The following GAS7 variants were observed in gnomAD, a reference collection of about 807,000 sequenced individuals.
GAS7 encodes growth arrest-specific protein 7.
A neutral mutation model predicts 71.1 loss-of-function variants in GAS7; 28 were observed. The ratio of observed to expected loss-of-function variants is 0.39; its 90% CI spans 0.29 to 0.54. GAS7 has a LOEUF of 0.54. Ranked by LOEUF, GAS7 falls within the 20% of genes least tolerant of loss-of-function variation. The pLI is 0.62. For missense variants in GAS7, 436 were observed against 627.8 expected (o/e 0.69, Z 3.27); for synonymous variants, 258 against 245.8 (o/e 1.05, Z -0.46).
chr17:10,087,391 ATG>A (rs1173942033), intron 1 of GAS7, among the ~76,000 whole-genome samples: 1 of 152,258 alleles, frequency 6.6e-6, no homozygotes, highest in Admixed American at 6.5e-5. Context: ...GGAGTATGGC[ATG>A]TGTGTCCCAG....
At chr17:10,044,477 C>G (rs79536818) in intron 1 of GAS7, among the ~76,000 whole-genome samples, 3,061 of 152,238 alleles carry the variant, frequency 0.02, 99 homozygotes, top group African/African-American at 0.068. Context: ...CATACACAGT[C>G]TGAGTGTTTG....
In GAS7 at chr17:9,926,544, A is replaced by G; in HGVS notation, c.1014+97T>C. ...TTCCCCTACCTGGGGACAAAGACTC[A>G]GCCTTGGCGTATGGAGCCACTGCTG... On this transcript the variant is annotated intron_variant, in intron 10 of 13. Coordinates refer to ENST00000432992, the MANE Select transcript of GAS7 (RefSeq NM_201433.2). This position sits in a 1 kb window ranked among gnomAD's most constrained non-coding sequence, Gnocchi z 5.0. 7.6e-7 allele frequency: 1 copy of G among 1,307,676 alleles called. No individual in the cohort carries two copies. The highest frequency in any genetic ancestry group is 2.3e-5 in the East Asian group (1 of 43,214). The allele number at this position is 1,307,676 out of a possible 1,614,324, so 81.0% of individuals were successfully genotyped here. A position where few individuals can be genotyped will look rare whatever the true frequency, so the allele number is the denominator to read the frequency against.
intron 1 of GAS7, among the ~76,000 whole-genome samples, chr17:10,186,598 G>T (rs1489104050): frequency 6.6e-6 from 1 of 151,802 alleles, no homozygotes; most frequent in African/African-American, 2.4e-5. Flanking sequence ...TAGGGACTGG[G>T]TTTCACCACA....
At chr17:10,180,785 T>C (rs1010193337) in intron 1 of GAS7, among the ~76,000 whole-genome samples, 1 of 152,128 alleles carries the variant, frequency 6.6e-6, no homozygotes, top group Non-Finnish European at 1.5e-5. Context: ...TGTTACTTTT[T>C]TCCCCATGTG....
chr17:10,115,333 A>G (rs1220307861), intron 1 of GAS7, among the ~76,000 whole-genome samples: 1 of 151,452 alleles, frequency 6.6e-6, no homozygotes, highest in Non-Finnish European at 1.5e-5. Context: ...AGGCGGGGGG[A>G]ACGCTGCAAA....
chr17:10,002,224 T>C (rs936708896), intron 2 of GAS7, among the ~76,000 whole-genome samples: 1 of 152,198 alleles, frequency 6.6e-6, no homozygotes, highest in Non-Finnish European at 1.5e-5. Context: ...TCCAAGAATC[T>C]GTCCCAGGCC....
At chr17:10,087,622 G>A (rs535326055) in intron 1 of GAS7, among the ~76,000 whole-genome samples, 13 of 152,306 alleles carry the variant, frequency 8.5e-5, no homozygotes, top group African/African-American at 2.4e-4. Flanking sequence ...AGCAGTAAGC[G>A]TCAGGGTTCC....
chr17:9,915,557 T>C lies in GAS7; in HGVS notation c.*1671A>G. 4.4e-6 allele frequency: 1 copy of C among 225,372 alleles called. No individual in the cohort carries two copies. Among genetic ancestry groups the C allele is most frequent in the Admixed American group, 5.7e-5 (1 of 17,558 alleles). The allele number at this position is 225,372 out of a possible 1,614,324, so 14.0% of individuals were successfully genotyped here. On this transcript the variant is annotated 3_prime_UTR_variant, in exon 14 of 14. Coordinates refer to ENST00000432992, the MANE Select transcript of GAS7 (RefSeq NM_201433.2). ...GAAAAGTGACAACGTTTGGTTTACTTTAGTATATTAGGCATTTTTCTAATG... is the reference window on the plus strand; with the variant it reads ...GAAAAGTGACAACGTTTGGTTTACTCTAGTATATTAGGCATTTTTCTAATG...
Position 10,026,331 on chromosome 17 carries a change from TCC to T in GAS7, c.184-6436_184-6435del. 1 of 968,730 alleles carries T rather than the reference TCC, an allele frequency of 1.0e-6. No homozygotes were observed. The highest frequency in any genetic ancestry group is 1.2e-6 in the Non-Finnish European group (1 of 816,152). 60.0% of individuals were successfully genotyped at this position (968,730 alleles called of 1,614,324 possible). ...TATCCACAGGGCCCCACACCCCCACTCCCCCCACACCCAGATCTATATATAAC... is the reference window on the plus strand; with the variant it reads ...TATCCACAGGGCCCCACACCCCCACTCCCCACACCCAGATCTATATATAAC... On this transcript the variant is annotated intron_variant, in intron 1 of 13. Coordinates refer to ENST00000432992, the MANE Select transcript of GAS7 (RefSeq NM_201433.2). This position sits in a 1 kb window ranked among gnomAD's most constrained non-coding sequence, Gnocchi z 4.5.
At chr17:10,106,697 C>T (rs2073759603) in intron 1 of GAS7, among the ~76,000 whole-genome samples, 1 of 152,134 alleles carries the variant, frequency 6.6e-6, no homozygotes. Flanking sequence ...TGGGGAGTGA[C>T]CGACTTGGCG....
At chr17:10,150,415 TACACACACAC>T (rs3051267) in intron 1 of GAS7, among the ~76,000 whole-genome samples, 28,995 of 145,774 alleles carry the variant, frequency 0.2, 2,942 homozygotes, top group African/African-American at 0.25. Context: ...ACTGGTTAAG[TACACACACAC>T]ACACACACAC....
chr17:10,115,346 C>T (rs9895514), intron 1 of GAS7, among the ~76,000 whole-genome samples: 26,423 of 152,110 alleles, frequency 0.17, 2,537 homozygotes, highest in Non-Finnish European at 0.23. Context: ...GCTGCAAAAA[C>T]ACAGCTGTAG....
intron 1 of GAS7, among the ~76,000 whole-genome samples, chr17:10,138,520 T>C (rs2074057107): frequency 6.6e-6 from 1 of 152,062 alleles, no homozygotes; most frequent in Non-Finnish European, 1.5e-5. Context: ...TTACCAGCAC[T>C]TTGGGAAGCC....
Position 9,913,423 on chromosome 17 carries a change from C to T in GAS7, c.*3805G>A, listed in dbSNP as rs1349063211. On this transcript the variant is annotated 3_prime_UTR_variant, in exon 14 of 14. Transcript: ENST00000432992. ...ACAAGCCAAGGTCGCTGATGTCCTT[C>T]GAATGTTATGGCTTGTATTTCCAAA... is the stretch of plus-strand genomic sequence containing the variant. 3 of 232,514 alleles carry T rather than the reference C, an allele frequency of 1.3e-5. No homozygotes were observed. The highest frequency in any genetic ancestry group is 4.4e-5 in the African/African-American group (2 of 45,286). 14.4% of individuals were successfully genotyped at this position (232,514 alleles called of 1,614,324 possible).
Position 10,004,147 on chromosome 17 carries a change from T to G in GAS7, c.304+15630A>C, listed in dbSNP as rs78530635. On this transcript the variant is annotated intron_variant, in intron 2 of 13. Coordinates refer to ENST00000432992, the MANE Select transcript of GAS7 (RefSeq NM_201433.2). ...ACTCCAACCCAAAGGAAAGTCTCAT[T>G]TTAACAATCTCATATCCACTTCAGG... Among the ~76,000 whole-genome samples the G allele has an allele frequency of 3.3e-3, 509 of 152,236 alleles. 3 individuals carry two copies. The highest frequency in any genetic ancestry group is 0.012 in the African/African-American group (488 of 41,534).
intron 1 of GAS7, among the ~76,000 whole-genome samples, chr17:10,158,341 A>AAAAAAAAC (rs2074221582): frequency 7.6e-5 from 8 of 104,844 alleles, no homozygotes; most frequent in South Asian, 3.3e-4. Context: ...TTTGGTAAAA[A>AAAAAAAAC]AAAAAAAAAA....
At chr17:10,070,151 G>A (rs1325951175) in intron 1 of GAS7, among the ~76,000 whole-genome samples, 1 of 151,764 alleles carries the variant, frequency 6.6e-6, no homozygotes, top group Non-Finnish European at 1.5e-5. Flanking sequence ...GTCCCAGCAG[G>A]GACTCCTAGC....
intron 1 of GAS7, among the ~76,000 whole-genome samples, chr17:10,179,237 G>A (rs1203422893): frequency 1.3e-5 from 2 of 152,024 alleles, no homozygotes; most frequent in African/African-American, 2.4e-5. Context: ...GCTGAGGCAG[G>A]AGAATCGCTT....
chr17:10,165,885 T>A (rs2074290182), intron 1 of GAS7, among the ~76,000 whole-genome samples: 1 of 151,972 alleles, frequency 6.6e-6, no homozygotes, highest in Non-Finnish European at 1.5e-5. Context: ...ACCCAGAGGG[T>A]CCCACCCAGG....
Sources: gnomAD v4.1 joint callset for allele counts (sites outside exome capture counted in the v4.1 genomes callset) on GRCh38, gnomAD v4.1.1 for gene constraint, Gnocchi (gnomAD v3.1) non-coding constraint, MANE v1.5 for transcripts, NCBI Gene and HGNC (gene_info 2026-07-23, HGNC 2026-07-21) for gene names.